CACNA2D3: variants seen among roughly 807,000 people sequenced by gnomAD.
CACNA2D3 encodes the protein calcium voltage-gated channel auxiliary subunit alpha2delta 3.
CACNA2D3 carries 60 observed loss-of-function variants against 160.6 expected under a neutral mutation model. The ratio of observed to expected loss-of-function variants is 0.37; its 90% confidence interval spans 0.30 to 0.46. The LOEUF is 0.46. Ranked by LOEUF, CACNA2D3 falls within the 20% of genes least tolerant of loss-of-function variation. The probability of loss-of-function intolerance (pLI) is 1.00; values close to 1 mark genes in which losing one functional copy is unlikely to be tolerated. For missense variants in CACNA2D3, 1,205 were observed against 1,365.0 expected, an observed-to-expected ratio of 0.88 and a Z score of 1.85; for synonymous variants, 558 against 492.9, an observed-to-expected ratio of 1.13 and a Z score of -1.75.
intron 25 of CACNA2D3, among the ~76,000 whole-genome samples, chr3:54,893,331 CCTA>C (rs1266031741): frequency 1.3e-5 from 2 of 151,904 alleles, no homozygotes; most frequent in Non-Finnish European, 2.9e-5. Context: ...GCTAAAAATT[CCTA>C]CAACTGTGTG....
At chr3:54,802,677 C>T (rs1703020158) in intron 13 of CACNA2D3, among the ~76,000 whole-genome samples, 1 of 152,100 alleles carries the variant, frequency 6.6e-6, no homozygotes, top group African/African-American at 2.4e-5. Flanking sequence ...ACTTAAATGT[C>T]CCTGTCTGAC....
intron 11 of CACNA2D3, among the ~76,000 whole-genome samples, chr3:54,717,092 T>C (rs1228701614): frequency 6.6e-6 from 1 of 152,150 alleles, no homozygotes; most frequent in African/African-American, 2.4e-5. Flanking sequence ...CAGAACCTTA[T>C]GTAACATACT....
At chr3:54,209,413 G>T (rs1411156809) in intron 2 of CACNA2D3, among the ~76,000 whole-genome samples, 2 of 152,148 alleles carry the variant, frequency 1.3e-5, no homozygotes, top group African/African-American at 4.8e-5. Flanking sequence ...TCATAGATGT[G>T]AGAGAACTTT....
chr3:54,571,574 G>A (rs1177588071), intron 8 of CACNA2D3, among the ~76,000 whole-genome samples: 1 of 151,848 alleles, frequency 6.6e-6, no homozygotes, highest in Non-Finnish European at 1.5e-5. Context: ...GCTCGTCAGA[G>A]TGAGCCTGAT....
intron 3 of CACNA2D3, among the ~76,000 whole-genome samples, chr3:54,374,641 T>C (rs974869451): frequency 1.7e-4 from 26 of 152,192 alleles, no homozygotes; most frequent in Non-Finnish European, 3.1e-4. Context: ...TGGTTGTTGC[T>C]GGACACCCCC....
intron 5 of CACNA2D3, among the ~76,000 whole-genome samples, chr3:54,558,541 G>T (rs1702274942): frequency 6.6e-6 from 1 of 152,132 alleles, no homozygotes; most frequent in South Asian, 2.1e-4. Context: ...GTACCCAATT[G>T]GTAGTTTTTT....
At chr3:54,746,982 C>T (rs1428430653) in intron 11 of CACNA2D3, among the ~76,000 whole-genome samples, 3 of 152,092 alleles carry the variant, frequency 2.0e-5, no homozygotes, top group Non-Finnish European at 4.4e-5. Flanking sequence ...TAAAAAATGT[C>T]ATTTTGATCC....
intron 2 of CACNA2D3, among the ~76,000 whole-genome samples, chr3:54,296,020 G>GGC (rs920309215): frequency 5.1e-4 from 78 of 152,296 alleles, no homozygotes; most frequent in African/African-American, 1.8e-3. Context: ...AGGGGAGGTT[G>GGC]GCAGGGTTCA....
At chr3:54,503,765 G>A (rs1559499517) in intron 5 of CACNA2D3, 111 bp downstream of exon 5, 5 of 930,130 alleles carry the variant, frequency 5.4e-6, no homozygotes, top group Non-Finnish European at 8.2e-6. Flanking sequence ...TTTTTGAAAA[G>A]CACAGTTATA....
intron 2 of CACNA2D3, among the ~76,000 whole-genome samples, chr3:54,280,664 C>G (rs370548234): frequency 6.6e-6 from 1 of 152,140 alleles, no homozygotes; most frequent in African/African-American, 2.4e-5. Context: ...TACAGTTTCC[C>G]CCTCAAGTTT....
At chr3:54,951,653 G>C (rs1050136015) in intron 27 of CACNA2D3, among the ~76,000 whole-genome samples, 1 of 150,398 alleles carries the variant, frequency 6.6e-6, no homozygotes, top group Non-Finnish European at 1.5e-5. Context: ...TCCAGTCCCA[G>C]TTCCAAGAAG....
chr3:54,984,578 T>C, intron 29 of CACNA2D3, 30 bp from the exon 30 acceptor site: 2 of 1,361,472 alleles, frequency 1.5e-6, no homozygotes, highest in South Asian at 1.3e-5. Context: ...AAGCTGTTTT[T>C]TTGTTTTTGT....
intron 9 of CACNA2D3, among the ~76,000 whole-genome samples, chr3:54,615,363 C>G (rs1475208426): frequency 6.6e-6 from 1 of 152,168 alleles, no homozygotes; most frequent in Admixed American, 6.5e-5. Flanking sequence ...TCAAACTGCT[C>G]AATCTCACCA....
At chr3:55,057,612 T>C (rs985514073) in intron 35 of CACNA2D3, among the ~76,000 whole-genome samples, 2 of 152,324 alleles carry the variant, frequency 1.3e-5, no homozygotes, top group South Asian at 2.1e-4. Flanking sequence ...AAATCACTTA[T>C]GAGGTAGGAA....
intron 27 of CACNA2D3, chr3:54,967,159 A>G (rs1702173683): frequency 6.6e-6 from 1 of 152,206 alleles, no homozygotes; most frequent in Non-Finnish European, 1.5e-5. Context: ...CTAAGTGCAA[A>G]CACAGATGGC....
At chr3:54,984,743 G>T in intron 30 of CACNA2D3, 73 bp downstream of exon 30, 1 of 893,540 alleles carries the variant, frequency 1.1e-6, no homozygotes, top group Non-Finnish European at 1.8e-6. Context: ...ACAAATTATG[G>T]TGTTAAAACT....
chr3:54,306,610 G>A (rs760652561), intron 2 of CACNA2D3, among the ~76,000 whole-genome samples: 22 of 152,186 alleles, frequency 1.4e-4, no homozygotes, highest in South Asian at 1.0e-3. Context: ...CAGCTGGCTG[G>A]GATCTTGGTG....
chr3:54,908,135 G>C (rs1367346054), intron 27 of CACNA2D3, among the ~76,000 whole-genome samples: 1 of 152,196 alleles, frequency 6.6e-6, no homozygotes, highest in Non-Finnish European at 1.5e-5. Flanking sequence ...CTGCAAAACT[G>C]TTTTCCAAAG....
intron 35 of CACNA2D3, among the ~76,000 whole-genome samples, chr3:55,034,835 A>G (rs1703776736): frequency 6.6e-6 from 1 of 152,122 alleles, no homozygotes; most frequent in African/African-American, 2.4e-5. Context: ...CTATAGATGA[A>G]TGTCTTTACT....
Sources: gnomAD v4.1 joint callset for allele counts (sites outside exome capture counted in the v4.1 genomes callset) on GRCh38, gnomAD v4.1.1 for gene constraint, MANE v1.5 for transcripts, NCBI Gene and HGNC (gene_info 2026-07-23, HGNC 2026-07-21) for gene names.